Variants in GRIA1 observed in about 807,000 individuals in gnomAD.
GRIA1 encodes the protein glutamate receptor 1.
A neutral mutation model predicts 99.2 loss-of-function variants in GRIA1; 31 were observed. The ratio of observed to expected loss-of-function variants is 0.31; its 90% CI spans 0.23 to 0.42. The LOEUF (loss-of-function observed/expected upper bound fraction) is 0.42. Among genes scored for constraint, GRIA1 ranks in the 10% least tolerant of loss-of-function variants. The pLI is 1.00. For synonymous variants in GRIA1, 438 were observed against 432.4 expected, an observed-to-expected ratio of 1.01 and a Z score of -0.16; for missense variants, 782 against 1,157.5, an observed-to-expected ratio of 0.68 and a Z score of 4.71.
In GRIA1 at chr5:153,650,236, G is replaced by T. The variant is rs1423065739; in HGVS notation, c.461-94G>T. 1.5e-4 allele frequency: 163 copies of T among 1,052,838 alleles called. No individual in the cohort carries two copies. The East Asian group carries it at 3.7e-3, about 24-fold the overall frequency. 65.2% of individuals were successfully genotyped at this position (1,052,838 alleles called of 1,614,324 possible). ...TGAGTTTGGCAGAAGAGTGGGTTTG[G>T]GGGTAGCCAGGGGAGGTAGGTGCCT... On this transcript the variant is annotated intron_variant, in intron 3 of 15. Transcript: ENST00000285900.
At chr5:153,599,090 G>A (rs1764669123) in intron 2 of GRIA1, among the ~76,000 whole-genome samples, 1 of 152,088 alleles carries the variant, frequency 6.6e-6, no homozygotes, top group South Asian at 2.1e-4. Context: ...CACCCTGTTA[G>A]CCAGGATGGT....
intron 10 of GRIA1, among the ~76,000 whole-genome samples, chr5:153,705,455 A>G (rs1275863693): frequency 6.6e-6 from 1 of 152,180 alleles, no homozygotes; most frequent in East Asian, 1.9e-4. Context: ...TATGAGGAAG[A>G]TGCCTCTAAC....
At chr5:153,804,720 A>T (rs921416920) in intron 15 of GRIA1, among the ~76,000 whole-genome samples, 10 of 113,168 alleles carry the variant, frequency 8.8e-5, no homozygotes, top group Non-Finnish European at 2.1e-5. Context: ...CTTATTAATT[A>T]ATTAATTAAT....
chr5:153,490,716 C>T lies in GRIA1; in HGVS notation c.-173C>T. ...GTGTTAACGCTGCAGTTTAAGTGTT[C>T]GGATTCCAAGGGAAACAGACAAACC... On this transcript the variant is annotated 5_prime_UTR_variant, in exon 1 of 16. Coordinates refer to ENST00000285900, the MANE Select transcript of GRIA1 (RefSeq NM_000827.4). 1.4e-6 allele frequency: 1 copy of T among 691,598 alleles called. No individual in the cohort carries two copies. The highest frequency in any genetic ancestry group is 2.6e-6 in the Non-Finnish European group (1 of 378,034). 42.8% of individuals were successfully genotyped at this position (691,598 alleles called of 1,614,324 possible).
intron 11 of GRIA1, among the ~76,000 whole-genome samples, chr5:153,736,880 T>C (rs532131989): frequency 6.6e-6 from 1 of 152,288 alleles, no homozygotes; most frequent in East Asian, 1.9e-4. Context: ...ATACTCAATT[T>C]GGTTGGAACA....
intron 11 of GRIA1, among the ~76,000 whole-genome samples, chr5:153,745,406 G>A (rs1762081023): frequency 6.6e-6 from 1 of 151,878 alleles, no homozygotes; most frequent in Non-Finnish European, 1.5e-5. Flanking sequence ...TGGCCAGTGT[G>A]GTGAAACCCC....
At chr5:153,575,646 G>A (rs1762467561) in intron 2 of GRIA1, among the ~76,000 whole-genome samples, 1 of 152,178 alleles carries the variant, frequency 6.6e-6, no homozygotes. Context: ...GGGACTCGAA[G>A]TCACAGCTAG....
intron 2 of GRIA1, chr5:153,574,288 G>T (rs1023673023): frequency 6.6e-6 from 1 of 152,092 alleles, no homozygotes; most frequent in Non-Finnish European, 1.5e-5. Flanking sequence ...GTTGGTGGTT[G>T]TTTCTGTTGT....
At chr5:153,551,248 T>C (rs1233237512) in intron 2 of GRIA1, among the ~76,000 whole-genome samples, 1 of 152,224 alleles carries the variant, frequency 6.6e-6, no homozygotes, top group Non-Finnish European at 1.5e-5. Flanking sequence ...TTGATTTTAT[T>C]TGTCTTCGTG....
At chr5:153,724,947 A>G (rs1296581704) in intron 11 of GRIA1, among the ~76,000 whole-genome samples, 2 of 152,236 alleles carry the variant, frequency 1.3e-5, no homozygotes. Flanking sequence ...CGTAATTGTC[A>G]GATACACCAA....
At chr5:153,775,653 A>G (rs934362008) in intron 13 of GRIA1, among the ~76,000 whole-genome samples, 1 of 152,174 alleles carries the variant, frequency 6.6e-6, no homozygotes, top group Admixed American at 6.5e-5. Flanking sequence ...TGAGAGATGC[A>G]ATCCCAGTGC....
intron 2 of GRIA1, among the ~76,000 whole-genome samples, chr5:153,531,260 T>C (rs1299005504): frequency 6.6e-6 from 1 of 152,160 alleles, no homozygotes; most frequent in Non-Finnish European, 1.5e-5. Context: ...GGTAGAGTGC[T>C]AGGAGAGGTG....
Position 153,698,112 on chromosome 5 carries a change from T to C in GRIA1, c.1203T>C (p.Asn401=). The change falls in exon 9 of 16, where the codon AAT becomes AAC. Residue 401 remains asparagine (N), a synonymous_variant. Coordinates refer to ENST00000285900, the MANE Select transcript of GRIA1 (RefSeq NM_000827.4). The part of the protein sequence containing the change: ...AATDAQAGGD[N]SSVQNRTYIV... The stretch of plus-strand genomic sequence containing the variant: ...CCGATGCCCAAGCTGGGGGCGATAA[T>C]TCAAGTGTTCAGAACAGAACATACA... 1 of 1,610,130 alleles carries C rather than the reference T, an allele frequency of 6.2e-7. No individual in the cohort carries two copies. Among genetic ancestry groups the C allele is most frequent in the Non-Finnish European group, 8.5e-7 (1 of 1,176,390 alleles).
chr5:153,752,715 A>G (rs985261970), intron 11 of GRIA1, among the ~76,000 whole-genome samples: 12 of 152,340 alleles, frequency 7.9e-5, no homozygotes, highest in African/African-American at 2.9e-4. Context: ...AAATGAATAA[A>G]TAGTATGGTA....
chr5:153,810,333 T>C (rs1766730725), intron 15 of GRIA1, among the ~76,000 whole-genome samples: 1 of 152,268 alleles, frequency 6.6e-6, no homozygotes, highest in Admixed American at 6.5e-5. Flanking sequence ...CACATGTTCC[T>C]TTCCAATTAG....
intron 11 of GRIA1, among the ~76,000 whole-genome samples, chr5:153,713,053 G>T (rs1759428756): frequency 6.6e-6 from 1 of 152,178 alleles, no homozygotes; most frequent in Non-Finnish European, 1.5e-5. Flanking sequence ...GGCCCATATG[G>T]CAGCTAGAAA....
intron 11 of GRIA1, among the ~76,000 whole-genome samples, chr5:153,724,931 A>C (rs1260046184): frequency 1.3e-5 from 2 of 152,228 alleles, no homozygotes; most frequent in Non-Finnish European, 2.9e-5. Flanking sequence ...GAGCAACTCC[A>C]AGACACGTAA....
chr5:153,531,191 G>C (rs1758066874), intron 2 of GRIA1, among the ~76,000 whole-genome samples: 2 of 152,188 alleles, frequency 1.3e-5, no homozygotes, highest in East Asian at 3.8e-4. Context: ...TACAAGTTGA[G>C]ATGGTTCAAG....
At chr5:153,633,249 C>T (rs1344483264) in intron 2 of GRIA1, among the ~76,000 whole-genome samples, 1 of 152,232 alleles carries the variant, frequency 6.6e-6, no homozygotes, top group Non-Finnish European at 1.5e-5. Context: ...GTGCCTTATA[C>T]TCCCTTCTTC....
Sources: gnomAD v4.1 joint callset for allele counts (sites outside exome capture counted in the v4.1 genomes callset) on GRCh38, gnomAD v4.1.1 for gene constraint, MANE v1.5 for transcripts, NCBI Gene and HGNC (gene_info 2026-07-23, HGNC 2026-07-21) for gene names.